The following PRSS3 variants were observed in gnomAD, a reference collection of about 807,000 sequenced individuals.
PRSS3 encodes trypsin-3.
Under a neutral mutation model 20.8 loss-of-function variants are expected in PRSS3, and 14 were observed. The observed-to-expected ratio is 0.67, with a 90% CI of 0.44 to 1.05. The LOEUF is 1.05. Ranked by LOEUF, PRSS3 falls within the 50% of genes least tolerant of loss-of-function variation. The probability of loss-of-function intolerance (pLI) is 0.00; values close to 1 mark genes in which losing one functional copy is unlikely to be tolerated. For synonymous variants in PRSS3, 91 were observed against 117.6 expected (o/e 0.77, Z 1.46); for missense variants, 237 against 306.4 (o/e 0.77, Z 1.69).
At chr9:33,754,369 T>C (rs1822845042) in intron 1 of PRSS3, among the ~76,000 whole-genome samples, 1 of 151,894 alleles carries the variant, frequency 6.6e-6, no homozygotes, top group Non-Finnish European at 1.5e-5. Flanking sequence ...CGCGCCTGGC[T>C]TGTCCTTCTT....
intron 1 of PRSS3, among the ~76,000 whole-genome samples, chr9:33,788,380 A>G (rs911546708): frequency 2.0e-5 from 3 of 152,206 alleles, no homozygotes; most frequent in African/African-American, 7.2e-5. Flanking sequence ...AGAACAAGGT[A>G]TTATCTGATC....
At chr9:33,787,108 C>T (rs1328208369) in intron 1 of PRSS3, among the ~76,000 whole-genome samples, 3 of 152,146 alleles carry the variant, frequency 2.0e-5, no homozygotes, top group Non-Finnish European at 4.4e-5. Context: ...TAGAAGGGTG[C>T]TCAGAAATAC....
chr9:33,762,061 C>T (rs1823233091), intron 1 of PRSS3: 1 of 152,074 alleles, frequency 6.6e-6, no homozygotes, highest in Admixed American at 6.5e-5. Context: ...CCTTAGCACC[C>T]AGAAGAATCC....
At chr9:33,785,158 C>CA (rs1356255404) in intron 1 of PRSS3, among the ~76,000 whole-genome samples, 15 of 94,612 alleles carry the variant, frequency 1.6e-4, no homozygotes, top group African/African-American at 7.6e-4. Flanking sequence ...GCATTGTGGT[C>CA]AATTTTTTTT....
intron 3 of PRSS3, 156 bp downstream of exon 3, chr9:33,798,238 A>T: frequency 1.4e-6 from 2 of 1,455,394 alleles, no homozygotes; most frequent in South Asian, 2.7e-5. Context: ...AGAGATGCAA[A>T]GTCTCAAGGA....
intron 1 of PRSS3, among the ~76,000 whole-genome samples, chr9:33,774,052 A>T (rs958382307): frequency 2.0e-5 from 3 of 152,144 alleles, no homozygotes; most frequent in South Asian, 2.1e-4. Flanking sequence ...TTCCTTAAGT[A>T]TTTTTTTATT....
intron 1 of PRSS3, among the ~76,000 whole-genome samples, chr9:33,763,957 T>C (rs1204282729): frequency 2.0e-5 from 3 of 152,206 alleles, no homozygotes; most frequent in African/African-American, 7.2e-5. Flanking sequence ...TTTGTTTTCA[T>C]TGTTATGAGT....
intron 1 of PRSS3, among the ~76,000 whole-genome samples, chr9:33,780,437 C>A (rs1276406051): frequency 1.3e-5 from 2 of 152,148 alleles, no homozygotes; most frequent in African/African-American, 4.8e-5. Flanking sequence ...ATCTAGAGAA[C>A]CTGCTGCCAT....
intron 1 of PRSS3, among the ~76,000 whole-genome samples, chr9:33,764,498 A>T (rs1823338359): frequency 6.6e-6 from 1 of 152,210 alleles, no homozygotes; most frequent in Admixed American, 6.5e-5. Context: ...GCACCATTGC[A>T]CTCCAGCCTG....
At chr9:33,771,204 T>C (rs181140010) in intron 1 of PRSS3, among the ~76,000 whole-genome samples, 31 of 152,118 alleles carry the variant, frequency 2.0e-4, no homozygotes, top group African/African-American at 7.5e-4. Context: ...TCCCACTTAC[T>C]CCCTCTTAGA....
intron 1 of PRSS3, among the ~76,000 whole-genome samples, chr9:33,783,788 G>A (rs1587389281): frequency 1.3e-5 from 2 of 151,896 alleles, no homozygotes; most frequent in East Asian, 1.9e-4. Context: ...TACTTGGGAG[G>A]CTGAGGCAGG....
chr9:33,786,027 A>G (rs1276757240), intron 1 of PRSS3: 1 of 249,184 alleles, frequency 4.0e-6, no homozygotes, highest in Non-Finnish European at 7.6e-6. Flanking sequence ...AGGCTTGTGC[A>G]TGAAGACTCA....
chr9:33,795,711 G>C (rs1003313854), intron 1 of PRSS3, 98 bp downstream of exon 1: 13 of 1,425,716 alleles, frequency 9.1e-6, no homozygotes, highest in Non-Finnish European at 1.2e-5. Flanking sequence ...ACTGCGCTCT[G>C]ATATTCTATT....
At chr9:33,773,467 C>G (rs1175917955) in intron 1 of PRSS3, among the ~76,000 whole-genome samples, 3 of 152,150 alleles carry the variant, frequency 2.0e-5, no homozygotes, top group African/African-American at 4.8e-5. Flanking sequence ...AGCTATGCAT[C>G]TATGGGGAAG....
At chr9:33,792,978 C>A (rs4523349), upstream of PRSS3, among the ~76,000 whole-genome samples, 6 of 152,362 alleles carry the variant, frequency 3.9e-5, no homozygotes, top group Middle Eastern at 3.4e-3. Flanking sequence ...GCAGCTGGAT[C>A]TGAACCTATC....
chr9:33,796,238 A>G (rs1226410555), intron 1 of PRSS3, among the ~76,000 whole-genome samples: 1 of 152,206 alleles, frequency 6.6e-6, no homozygotes, highest in African/African-American at 2.4e-5. Flanking sequence ...CTACCCAGAC[A>G]GGGGGTTTTC....
intron 1 of PRSS3, among the ~76,000 whole-genome samples, chr9:33,762,762 C>G (rs1234454714): frequency 5.9e-5 from 9 of 152,146 alleles, no homozygotes; most frequent in Admixed American, 2.6e-4. Context: ...GTAATTCTGC[C>G]CATTTAGGGT....
intron 1 of PRSS3, among the ~76,000 whole-genome samples, chr9:33,776,611 C>T (rs1429491347): frequency 2.0e-5 from 3 of 152,060 alleles, no homozygotes; most frequent in African/African-American, 7.2e-5. Flanking sequence ...ACAAAGGTGT[C>T]AAGAACAAGA....
At chr9:33,758,275 G>A (rs1027511109) in intron 1 of PRSS3, among the ~76,000 whole-genome samples, 2 of 152,222 alleles carry the variant, frequency 1.3e-5, no homozygotes, top group African/African-American at 4.8e-5. Flanking sequence ...CAATCAGACA[G>A]ACATCTTTTC....
Sources: allele counts gnomAD v4.1 joint callset (sites outside exome capture counted in the v4.1 genomes callset), GRCh38; gene constraint gnomAD v4.1.1; transcripts MANE v1.5; gene names NCBI Gene and HGNC (gene_info 2026-07-23, HGNC 2026-07-21).